Variants in LPIN2 observed in about 807,000 individuals in gnomAD.
LPIN2 encodes the protein lipin 2.
In LPIN2, 55 loss-of-function variants were observed where a neutral mutation model predicts 111.4. The ratio of observed to expected loss-of-function variants is 0.49; its 90% CI spans 0.40 to 0.62. LPIN2 has a LOEUF of 0.62. Among genes scored for constraint, LPIN2 ranks in the 20% least tolerant of loss-of-function variants. LPIN2 has a pLI of 0.00. For synonymous variants in LPIN2, 425 were observed against 414.0 expected (o/e 1.03, Z -0.32); for missense variants, 992 against 1,112.1 (o/e 0.89, Z 1.54).
At chr18:2,983,177 A>G (rs368029711) in intron 1 of LPIN2, among the ~76,000 whole-genome samples, 2 of 152,190 alleles carry the variant, frequency 1.3e-5, no homozygotes, top group South Asian at 2.1e-4. Flanking sequence ...GTGATCTTAC[A>G]TAAGCTAATC....
chr18:2,980,196 C>A (rs2078086682), intron 1 of LPIN2, among the ~76,000 whole-genome samples: 1 of 152,212 alleles, frequency 6.6e-6, no homozygotes, highest in South Asian at 2.1e-4. Flanking sequence ...AGAGGAAATT[C>A]TTGCATTAGC....
intron 4 of LPIN2, chr18:2,946,391 T>C: frequency 6.7e-7 from 1 of 1,484,406 alleles, no homozygotes; most frequent in Non-Finnish European, 9.4e-7. Context: ...ATCAGAAAAA[T>C]CAGTTGTTCT....
rs2076989797 is a variant in LPIN2, at chr18:2,917,682, A to G, written c.*2611T>C. ...GTACCCAAAAACGGAGGCAGCCTGCATGCTCCAGGTCTACACGAGCACCTC... is the reference window on the plus strand; with the variant it reads ...GTACCCAAAAACGGAGGCAGCCTGCGTGCTCCAGGTCTACACGAGCACCTC... On this transcript the variant is annotated 3_prime_UTR_variant, in exon 20 of 20. Transcript: ENST00000677752. 6.6e-6 allele frequency: 1 copy of G among 152,396 alleles called. No individual in the cohort carries two copies. The highest frequency in any genetic ancestry group is 2.4e-5 in the African/African-American group (1 of 41,456). The allele number at this position is 152,396 out of a possible 1,614,324, so 9.4% of individuals were successfully genotyped here.
chr18:2,989,955 T>C lies in LPIN2; in HGVS notation c.-10+23132A>G, dbSNP rs145019978. Among the ~76,000 whole-genome samples, 199 of 151,702 alleles carry C rather than the reference T, an allele frequency of 1.3e-3. 1 individual carries two copies. The highest frequency in any genetic ancestry group is 6.8e-3 in the Middle Eastern group (2 of 294). ...AAAAAAATTACAGTAATCAAAACAT[T>C]GTAGTACTGGCATAAAACAGACATA... On this transcript the variant is annotated intron_variant, in intron 1 of 19. Transcript: ENST00000677752.
Position 2,925,657 on chromosome 18 carries a change from G to C in LPIN2, c.1794-289C>G, listed in dbSNP as rs1464228693. ...AGGTCTACTGACTCTTGTTGAAGAG[G>C]GTATGTATGTTTCACAAGGCACAAA... On this transcript the variant is annotated intron_variant, in intron 13 of 19. Coordinates refer to ENST00000677752, the MANE Select transcript of LPIN2 (RefSeq NM_001375808.2). The surrounding 1 kb of genome is among the most constrained non-coding windows in gnomAD (Gnocchi z 4.1). 6.6e-6 allele frequency among the ~76,000 whole-genome samples: 1 copy of C among 152,102 alleles called. No individual in the cohort carries two copies. Among genetic ancestry groups the C allele is most frequent in the Non-Finnish European group, 1.5e-5 (1 of 68,024 alleles).
chr18:2,992,593 G>C (rs899664736), intron 1 of LPIN2, among the ~76,000 whole-genome samples: 1 of 152,158 alleles, frequency 6.6e-6, no homozygotes, highest in Non-Finnish European at 1.5e-5. Flanking sequence ...GCTCACACCT[G>C]TAATCCCAAC....
chr18:2,968,492 G>C (rs1055505713), intron 1 of LPIN2, among the ~76,000 whole-genome samples: 1 of 152,148 alleles, frequency 6.6e-6, no homozygotes, highest in Non-Finnish European at 1.5e-5. Flanking sequence ...TCTTGAAAGA[G>C]ATATAACAAA....
chr18:2,993,770 T>C (rs1337505853), intron 1 of LPIN2, among the ~76,000 whole-genome samples: 1 of 152,196 alleles, frequency 6.6e-6, no homozygotes, highest in African/African-American at 2.4e-5. Flanking sequence ...AGAGAATATA[T>C]ATAGCCCATG....
At chr18:3,010,352 T>TC (rs1191611892) in intron 1 of LPIN2, among the ~76,000 whole-genome samples, 2 of 152,140 alleles carry the variant, frequency 1.3e-5, no homozygotes, top group African/African-American at 4.8e-5. Context: ...TTCAAACTCT[T>TC]CAAGTTTTAA....
At chr18:2,961,523 G>A (rs1598572844) in intron 1 of LPIN2, among the ~76,000 whole-genome samples, 1 of 152,212 alleles carries the variant, frequency 6.6e-6, no homozygotes, top group East Asian at 1.9e-4. Context: ...ACAGAAAAGG[G>A]TTTTACTCTT....
At chr18:2,996,978 C>T (rs1271612829) in intron 1 of LPIN2, among the ~76,000 whole-genome samples, 1 of 58,644 alleles carries the variant, frequency 1.7e-5, no homozygotes, top group East Asian at 5.4e-4. Flanking sequence ...TTTTTGGAGG[C>T]TTGTATTTTT....
chr18:2,924,909 A>G lies in LPIN2; in HGVS notation c.1938+315T>C, dbSNP rs1183724694. 3.3e-5 allele frequency among the ~76,000 whole-genome samples: 5 copies of G among 152,362 alleles called. No individual in the cohort carries two copies. The East Asian group carries it at 7.7e-4, about 23-fold the overall frequency. ...AATAAGAGGAGAAATTGTGTCTAAA[A>G]TGTCATTTCTCTATTGCTGTGGCTC... is the stretch of plus-strand genomic sequence containing the variant. On this transcript the variant is annotated intron_variant, in intron 14 of 19. Transcript: ENST00000677752.
intron 8 of LPIN2, among the ~76,000 whole-genome samples, chr18:2,931,995 C>A (rs1289408124): frequency 2.0e-5 from 3 of 152,090 alleles, no homozygotes; most frequent in Admixed American, 1.3e-4. Flanking sequence ...AGAGGCAAGA[C>A]CCACCTAGAA....
chr18:3,009,888 C>G (rs2078574131), intron 1 of LPIN2, among the ~76,000 whole-genome samples: 1 of 152,204 alleles, frequency 6.6e-6, no homozygotes, highest in Admixed American at 6.5e-5. Context: ...TCATTTTAAT[C>G]CTGAAAGTGA....
intron 1 of LPIN2, among the ~76,000 whole-genome samples, chr18:2,978,721 TCA>T (rs892441827): frequency 6.6e-6 from 1 of 152,198 alleles, no homozygotes; most frequent in African/African-American, 2.4e-5. Flanking sequence ...CAATTCTGCT[TCA>T]GTCTGTCTGG....
chr18:2,971,002 A>G (rs932177988), intron 1 of LPIN2, among the ~76,000 whole-genome samples: 9 of 152,142 alleles, frequency 5.9e-5, no homozygotes, highest in Non-Finnish European at 1.2e-4. Context: ...CAGTATAGCA[A>G]TGCACCCTCT....
At chr18:2,994,090 A>G (rs749019578) in intron 1 of LPIN2, among the ~76,000 whole-genome samples, 10 of 152,234 alleles carry the variant, frequency 6.6e-5, no homozygotes, top group Admixed American at 1.3e-4. Flanking sequence ...AGCCCTTAAA[A>G]TGAAGCAGTA....
At chr18:2,984,804 G>GC (rs1161065715) in intron 1 of LPIN2, among the ~76,000 whole-genome samples, 1 of 152,054 alleles carries the variant, frequency 6.6e-6, no homozygotes, top group Non-Finnish European at 1.5e-5. Flanking sequence ...GGGAGAAGAA[G>GC]CCCCCCAGTT....
In LPIN2 at chr18:2,938,011, A is replaced by G. The variant is rs2077314783; in HGVS notation, c.849T>C (p.His283=). The G allele has an allele frequency of 6.2e-7, 1 of 1,614,128 alleles. No individual in the cohort carries two copies. The highest frequency in any genetic ancestry group is 2.2e-5 in the East Asian group (1 of 44,892). ...TKVSKRERSD[H]HPRTATITPS... is the part of the protein sequence containing the mutation. Reference sequence around the variant, plus strand: ...GTGTAATTGTAGCTGTCCTAGGATGATGGTCAGATCGTTCTCTTTTGCTGA... The same window carrying G: ...GTGTAATTGTAGCTGTCCTAGGATGGTGGTCAGATCGTTCTCTTTTGCTGA... Residue 283 remains histidine, a synonymous_variant, in exon 7 of 20, where the codon CAT becomes CAC. Transcript: ENST00000677752.
Sources: allele counts gnomAD v4.1 joint callset (sites outside exome capture counted in the v4.1 genomes callset), GRCh38; gene constraint gnomAD v4.1.1; non-coding constraint Gnocchi (gnomAD v3.1); transcripts MANE v1.5; gene names NCBI Gene and HGNC (gene_info 2026-07-23, HGNC 2026-07-21).